Variants in MYCBP2 observed in about 807,000 individuals in gnomAD.
MYCBP2 encodes E3 ubiquitin-protein ligase MYCBP2.
Under a neutral mutation model 525.3 loss-of-function variants are expected in MYCBP2, and 120 were observed. The ratio of observed to expected loss-of-function variants is 0.23; its 90% CI spans 0.20 to 0.27. The LOEUF (loss-of-function observed/expected upper bound fraction) is 0.27. Ranked by LOEUF, MYCBP2 falls within the 10% of genes least tolerant of loss-of-function variation. MYCBP2 has a pLI of 1.00. For synonymous variants in MYCBP2, 1,894 were observed against 1,955.8 expected, an observed-to-expected ratio of 0.97 and a Z score of 0.83; for missense variants, 4,149 against 5,657.1, an observed-to-expected ratio of 0.73 and a Z score of 8.55.
rs116701306 is a variant in MYCBP2 at position 77,234,508 on chromosome 13, T to C, written c.2630-1245A>G. ...ACCATATTTCAATTATGTTTCTAGA[T>C]ATAAACAAAAATGCAAATACCTCAA... On this transcript the variant is annotated intron_variant, in intron 17 of 82. Transcript: ENST00000544440. Among the ~76,000 whole-genome samples the C allele has an allele frequency of 3.8e-3, 581 of 152,124 alleles. 3 individuals are homozygous for C. Among genetic ancestry groups the C allele is most frequent in the African/African-American group, 0.013 (553 of 41,574 alleles).
chr13:77,063,711 G>C (rs2039732999), intron 73 of MYCBP2, among the ~76,000 whole-genome samples: 1 of 152,114 alleles, frequency 6.6e-6, no homozygotes, highest in Non-Finnish European at 1.5e-5. Context: ...TCTAAGAAGT[G>C]CATGTGAGTG....
intron 82 of MYCBP2, 64 bp from the exon 83 acceptor site, chr13:77,045,557 C>T: frequency 1.0e-6 from 1 of 958,542 alleles, no homozygotes; most frequent in Admixed American, 2.1e-5. Context: ...ATAAACCTCA[C>T]AGAAATATAA....
At chr13:77,264,586 A>C (rs2154340317) in intron 8 of MYCBP2, among the ~76,000 whole-genome samples, 1 of 152,280 alleles carries the variant, frequency 6.6e-6, no homozygotes, top group East Asian at 1.9e-4. Flanking sequence ...GCAGACAAAT[A>C]TATGCTTATG....
intron 27 of MYCBP2, among the ~76,000 whole-genome samples, chr13:77,193,114 G>A (rs996150966): frequency 3.9e-5 from 6 of 152,154 alleles, no homozygotes; most frequent in Non-Finnish European, 8.8e-5. Flanking sequence ...AGGTGATGGA[G>A]TGAGACTCTG....
chr13:77,202,754 A>C (rs549775853), intron 26 of MYCBP2, among the ~76,000 whole-genome samples: 71 of 152,322 alleles, frequency 4.7e-4, no homozygotes, highest in Non-Finnish European at 7.9e-4. Flanking sequence ...GCAAATCAAT[A>C]AATGTAATCC....
In MYCBP2 at chr13:77,057,092, A is replaced by G; in HGVS notation, c.13331T>C (p.Leu4444Pro). The G allele has an allele frequency of 6.2e-7, 1 of 1,606,652 alleles. No individual in the cohort carries two copies. Among genetic ancestry groups the G allele is most frequent in the Non-Finnish European group, 8.5e-7 (1 of 1,173,646 alleles). ...TAAGTGGAATATGTGACTACAATCC[A>G]GCTTAAATAAACAAAAGAAAAGGAC... ...EALSAAPAIQ[L>P]DCSHIFHLQC... is the part of the protein sequence containing the mutation. Residue 4444 changes from leucine (L) to proline (P), a missense_variant and splice_region_variant, in exon 79 of 83, where the codon CTG (leucine) becomes CCG (proline). Leu to Pro is a moderately conservative substitution (Grantham distance 98). This residue lies in a region of MYCBP2 where 220 missense variants were observed against 396.0 expected (regional missense o/e 0.56). Transcript: ENST00000544440.
At chr13:77,261,472 A>G in intron 11 of MYCBP2, 97 bp from the exon 12 acceptor site, 1 of 912,664 alleles carries the variant, frequency 1.1e-6, no homozygotes, top group Non-Finnish European at 1.6e-6. Context: ...TTTTATTGAA[A>G]AATAAAATTC....
At chr13:77,234,510 T>A (rs1432940688) in intron 17 of MYCBP2, among the ~76,000 whole-genome samples, 1 of 151,964 alleles carries the variant, frequency 6.6e-6, no homozygotes, top group Admixed American at 6.5e-5. Flanking sequence ...TTTCTAGATA[T>A]AAACAAAAAT....
chr13:77,111,541 C>T (rs893473406), intron 55 of MYCBP2, among the ~76,000 whole-genome samples: 2 of 151,608 alleles, frequency 1.3e-5, no homozygotes, highest in Admixed American at 6.6e-5. Context: ...TTCAGCCTCC[C>T]AAGTAGCCAG....
rs949581637 is a variant in MYCBP2, at chr13:77,103,341, C to A, written c.8141-4328G>T. 2.5e-5 allele frequency: 10 copies of A among 397,120 alleles called. No homozygotes were observed. The South Asian group carries it at 1.3e-3, about 51-fold the overall frequency. 24.6% of individuals were successfully genotyped at this position (397,120 alleles called of 1,614,324 possible). On this transcript the variant is annotated intron_variant, in intron 55 of 82. Transcript: ENST00000544440. ...GTGGAAAACATTGGCAAAGAAGCAG[C>A]ACAGATTCAATGGAAAAAAAATTTA...
At chr13:77,140,652 T>C (rs779609525) in intron 50 of MYCBP2, among the ~76,000 whole-genome samples, 194 bp downstream of exon 50, 1 of 152,200 alleles carries the variant, frequency 6.6e-6, no homozygotes, top group African/African-American at 2.4e-5. Context: ...GAATACAATA[T>C]GTACCAAATA....
In MYCBP2 at chr13:77,144,154, G is replaced by A; in HGVS notation, c.7303+291C>T. On this transcript the variant is annotated intron_variant, in intron 49 of 82. Coordinates refer to ENST00000544440, the MANE Select transcript of MYCBP2 (RefSeq NM_015057.5). Reference sequence around the variant, plus strand: ...AGGAGAGGCACAGACACACCCACAGGGGAGAGACAGGGTAACAGCAGCGTG... The same window carrying A: ...AGGAGAGGCACAGACACACCCACAGAGGAGAGACAGGGTAACAGCAGCGTG... 7 of 362,832 alleles carry A rather than the reference G, an allele frequency of 1.9e-5. No individual in the cohort carries two copies. The South Asian group carries it at 2.4e-4, about 13-fold the overall frequency. The allele number at this position is 362,832 out of a possible 1,614,324, so 22.5% of individuals were successfully genotyped here.
chr13:77,206,692 C>T lies in MYCBP2; in HGVS notation c.3550G>A (p.Ala1184Thr). 1.2e-6 allele frequency: 2 copies of T among 1,609,136 alleles called. No individual in the cohort carries two copies. Among genetic ancestry groups the T allele is most frequent in the Non-Finnish European group, 1.7e-6 (2 of 1,177,438 alleles). ...PELALPTGSR[A>T]LTTRSHAALH... Reference sequence around the variant, plus strand: ...GCTGCATGAGATCGGGTAGTGAGGGCCCTTGATCCTGTTGGTAAGGCAAGT... The same window carrying T: ...GCTGCATGAGATCGGGTAGTGAGGGTCCTTGATCCTGTTGGTAAGGCAAGT... Residue 1184 changes from alanine (A) to threonine (T), a missense_variant, in exon 24 of 83, where the codon GCC (alanine) becomes ACC (threonine). Physicochemically the swap from Ala to Thr is moderately conservative, Grantham distance 58. Coordinates refer to ENST00000544440, the MANE Select transcript of MYCBP2 (RefSeq NM_015057.5).
Position 77,185,286 on chromosome 13 carries a change from T to A in MYCBP2, c.4536A>T (p.Gly1512=), listed in dbSNP as rs2060618099. Residue 1512 remains glycine (G), a synonymous_variant, in exon 32 of 83, where the codon GGA becomes GGT. Coordinates refer to ENST00000544440, the MANE Select transcript of MYCBP2 (RefSeq NM_015057.5). ...RTLLRKILSE[G]VDHCMVKLDN... is the part of the protein sequence containing the mutation. The stretch of plus-strand genomic sequence containing the variant: ...CCAATTTCACCATGCAGTGATCAAC[T>A]CCTTCTGATAAAATTTTTCTTAACA... The A allele has an allele frequency of 6.2e-7, 1 of 1,613,956 alleles. No homozygotes were observed. The highest frequency in any genetic ancestry group is 8.5e-7 in the Non-Finnish European group (1 of 1,180,014).
At position 77,177,836 on chromosome 13, in the gene MYCBP2, A is replaced by G. The variant is rs141667910; in HGVS notation, c.5252T>C (p.Val1751Ala). Reference protein sequence around the residue: ...NGSPDAICFSVDKPGIVVVGF... With the variant: ...NGSPDAICFSADKPGIVVVGF... ...AACCACAACTATTCCAGGTTTGTCT[A>G]CTGAAAAACAGATTGCATCAGGGGA... is the stretch of plus-strand genomic sequence containing the variant. The change falls in exon 35 of 83, where the codon GTA (valine) becomes GCA (alanine). Residue 1751 changes from valine (V) to alanine (A), a missense_variant. Val to Ala is a moderately conservative substitution (Grantham distance 64, BLOSUM62 0). Transcript: ENST00000544440. 10 of 1,613,926 alleles carry G rather than the reference A, an allele frequency of 6.2e-6. No individual in the cohort carries two copies. In the African/African-American group the frequency reaches 1.1e-4, roughly 17 times the overall value.
At chr13:77,218,305 A>T (rs997917829) in intron 20 of MYCBP2, among the ~76,000 whole-genome samples, 1 of 152,198 alleles carries the variant, frequency 6.6e-6, no homozygotes, top group Non-Finnish European at 1.5e-5. Context: ...TTATTGGATG[A>T]AATAAAAATC....
chr13:77,136,695 CTAACT>C (rs1390229050), intron 52 of MYCBP2, among the ~76,000 whole-genome samples: 1 of 152,152 alleles, frequency 6.6e-6, no homozygotes, highest in Non-Finnish European at 1.5e-5. Context: ...TCTCAACCCC[CTAACT>C]TAACTCATTC....
intron 67 of MYCBP2, 56 bp downstream of exon 67, chr13:77,077,092 C>A: frequency 6.4e-7 from 1 of 1,567,742 alleles, no homozygotes. Context: ...TTGTTACACT[C>A]TTAAAATATA....
chr13:77,059,742 A>G, intron 76 of MYCBP2, 116 bp from the exon 77 acceptor site: 1 of 653,376 alleles, frequency 1.5e-6, no homozygotes, highest in Non-Finnish European at 2.7e-6. Flanking sequence ...TTGGGAAATC[A>G]GCCTGACAGT....
Sources: gnomAD v4.1 joint callset for allele counts (sites outside exome capture counted in the v4.1 genomes callset) on GRCh38, gnomAD v4.1.1 for gene constraint, gnomAD v4.1.1 regional missense constraint, MANE v1.5 for transcripts, NCBI Gene and HGNC (gene_info 2026-07-23, HGNC 2026-07-21) for gene names.